MYO15A: variants seen among roughly 807,000 people sequenced by gnomAD.
The protein encoded by MYO15A is unconventional myosin-XV.
Under a neutral mutation model 394.6 loss-of-function variants are expected in MYO15A, and 308 were observed. That is an observed-to-expected ratio of 0.78 (90% CI 0.71 to 0.86). The LOEUF is 0.86. Among genes scored for constraint, MYO15A ranks in the 40% least tolerant of loss-of-function variants. The pLI is 0.00. For synonymous variants in MYO15A, 1,957 were observed against 2,003.8 expected (o/e 0.98, Z 0.62); for missense variants, 4,606 against 4,799.1 (o/e 0.96, Z 1.19).
intron 57 of MYO15A, among the ~76,000 whole-genome samples, chr17:18,162,258 G>A (rs914634022): frequency 9.9e-5 from 15 of 152,168 alleles, no homozygotes; most frequent in South Asian, 4.1e-4. Flanking sequence ...TAGCCACAGA[G>A]CCTGTGAGAT....
Position 18,152,144 on chromosome 17 carries a change from G to A in MYO15A, c.7926G>A (p.Pro2642=), listed in dbSNP as rs372373045. Residue 2642 remains proline (P), a synonymous_variant, in exon 42 of 66, where the codon CCG becomes CCA. Transcript: ENST00000647165. ...GAGAGGCCGTGGCCCTGGTGAAGCC[G>A]GTGACCAGTGCACCAAGGCCATCCA... The part of the protein sequence containing the change: ...VSREAVALVK[P]VTSAPRPSMA... The A allele has an allele frequency of 6.7e-5, 104 of 1,551,672 alleles. No homozygotes were observed. The African/African-American group carries it at 7.5e-4, about 11-fold the overall frequency.
At chr17:18,171,487 C>G (rs2046939363) in intron 62 of MYO15A, 151 bp from the exon 63 acceptor site, 1 of 1,182,132 alleles carries the variant, frequency 8.5e-7, no homozygotes, top group African/African-American at 1.5e-5. Flanking sequence ...GTGGGCACCT[C>G]TACCCCACTT....
chr17:18,122,267 G>A lies in MYO15A; in HGVS notation c.3467G>A (p.Cys1156Tyr). The change falls in exon 2 of 66, where the codon TGC (cysteine) becomes TAC (tyrosine). Residue 1156 changes from cysteine to tyrosine, a missense_variant. This residue lies in a region of MYO15A where 1,830 missense variants were observed against 1,689.7 expected (regional missense o/e 1.08). Transcript: ENST00000647165. ...KPRACSLRWSCLWLRADAYGP... is the reference protein window; with the variant it reads ...KPRACSLRWSYLWLRADAYGP... ...AGAGCCTGTAGTCTTCGCTGGTCCT[G>A]CCTCTGGCTTCGGGCAGATGCCTAT... is the stretch of plus-strand genomic sequence containing the variant. 6.2e-7 allele frequency: 1 copy of A among 1,613,170 alleles called. No individual in the cohort carries two copies. Among genetic ancestry groups the A allele is most frequent in the South Asian group, 1.1e-5 (1 of 91,090 alleles).
chr17:18,136,900 G>T (rs760677290), intron 15 of MYO15A, among the ~76,000 whole-genome samples: 3 of 152,244 alleles, frequency 2.0e-5, no homozygotes, highest in Non-Finnish European at 4.4e-5. Flanking sequence ...CCCTGTGCTG[G>T]GCAATACCAG....
Position 18,124,465 on chromosome 17 carries a change from C to T in MYO15A, c.3610-18C>T. 1 of 1,607,404 alleles carries T rather than the reference C, an allele frequency of 6.2e-7. No homozygotes were observed. The highest frequency in any genetic ancestry group is 8.5e-7 in the Non-Finnish European group (1 of 1,178,720). ...GGTGCCCTTCAACCTGCAGACACAGCCTCTCTCTCTCACACAGATGCACTC... is the reference window on the plus strand; with the variant it reads ...GGTGCCCTTCAACCTGCAGACACAGTCTCTCTCTCTCACACAGATGCACTC... On this transcript the variant is annotated intron_variant, in intron 2 of 65. Transcript: ENST00000647165.
In MYO15A at chr17:18,150,623, A is replaced by T; in HGVS notation, c.7328-75A>T. 2.5e-6 allele frequency: 4 copies of T among 1,608,286 alleles called. No individual in the cohort carries two copies. The South Asian group carries it at 4.4e-5, about 18-fold the overall frequency. ...GGTGTGCTAGAATGGAGGCAGCCAC[A>T]GCATGATGGGGGCTGAGAGGACAGG... On this transcript the variant is annotated intron_variant, in intron 36 of 65. Transcript: ENST00000647165. This position sits in a 1 kb window ranked among gnomAD's most constrained non-coding sequence, Gnocchi z 4.4.
rs1395185235 is a variant in MYO15A, at chr17:18,122,066, C to T, written c.3266C>T (p.Ala1089Val). ...TGGGGAACACTGCCCCAAGCCGCAG[C>T]CCCCTTGGCGCCCATCAGGGCCCCA... is the stretch of plus-strand genomic sequence containing the variant. The part of the protein sequence containing the change: ...HRWGTLPQAA[A>V]PLAPIRAPEP... The change falls in exon 2 of 66, where the codon GCC becomes GTC. Residue 1089 changes from alanine (A) to valine (V), a missense_variant. Coordinates refer to ENST00000647165, the MANE Select transcript of MYO15A (RefSeq NM_016239.4). The T allele has an allele frequency of 1.2e-6, 2 of 1,612,768 alleles. No individual in the cohort carries two copies. The highest frequency in any genetic ancestry group is 2.2e-5 in the South Asian group (2 of 91,084).
Position 18,138,252 on chromosome 17 carries a change from C to T in MYO15A, c.5007+6C>T. ...ACCAGTGTTGCTTTCCCCAGGTGAG[C>T]CGCAGGCACTGTGTGAGCCTAGTCA... is the stretch of plus-strand genomic sequence containing the variant. On this transcript the variant is annotated splice_donor_region_variant and intron_variant, in intron 17 of 65. Transcript: ENST00000647165. 1 of 1,611,858 alleles carries T rather than the reference C, an allele frequency of 6.2e-7. No homozygotes were observed.
At position 18,142,171 on chromosome 17, in the gene MYO15A, TGGCTTCTTCATTAAGC is replaced by T; in HGVS notation, c.5746_5761del (p.Phe1916AspfsTer28). On this transcript the variant is annotated frameshift_variant, in exon 24 of 66. Coordinates refer to ENST00000647165, the MANE Select transcript of MYO15A (RefSeq NM_016239.4). LOFTEE classifies it high-confidence loss of function. ...CCCTCACTCTGCAGCGCTGCCTCCG[TGGCTTCTTCATTAAGC>T]GGCGATTCCGCTCTCTGCGCCACAA... The T allele has an allele frequency of 6.2e-7, 1 of 1,613,884 alleles. No homozygotes were observed. Among genetic ancestry groups the T allele is most frequent in the Non-Finnish European group, 8.5e-7 (1 of 1,180,034 alleles).
At chr17:18,129,987 C>T (rs1192655090) in intron 7 of MYO15A, among the ~76,000 whole-genome samples, 1 of 152,168 alleles carries the variant, frequency 6.6e-6, no homozygotes, top group Admixed American at 6.5e-5. Context: ...TCAAGCAGTT[C>T]TCCTGCCTCA....
Position 18,124,519 on chromosome 17 carries a change from C to G in MYO15A, c.3646C>G (p.Arg1216Gly), listed in dbSNP as rs547573001. 6.2e-7 allele frequency: 1 copy of G among 1,613,140 alleles called. No individual in the cohort carries two copies. Among genetic ancestry groups the G allele is most frequent in the African/African-American group, 1.3e-5 (1 of 75,048 alleles). ...SIRNLPSMRF[R>G]EQHGEDGVED... is the part of the protein sequence containing the mutation. ...CCGCAACCTGCCATCCATGCGGTTCCGTGAGCAGCACGGGGAGGATGGTGT... is the reference window on the plus strand; with the variant it reads ...CCGCAACCTGCCATCCATGCGGTTCGGTGAGCAGCACGGGGAGGATGGTGT... Residue 1216 changes from arginine to glycine, a missense_variant, in exon 3 of 66, where the codon CGT (arginine) becomes GGT (glycine). Transcript: ENST00000647165.
In MYO15A at chr17:18,150,370, C is replaced by T; in HGVS notation, c.7213-59C>T. ...AGAGGCCAGTGTCAGGTGCCTGTTG[C>T]CATGGAACCTTGGGAGTACAATAAT... On this transcript the variant is annotated intron_variant, in intron 35 of 65. Transcript: ENST00000647165. The surrounding 1 kb of genome is among the most constrained non-coding windows in gnomAD (Gnocchi z 4.4). The T allele has an allele frequency of 6.6e-7, 1 of 1,508,246 alleles. No individual in the cohort carries two copies. Among genetic ancestry groups the T allele is most frequent in the Non-Finnish European group, 9.2e-7 (1 of 1,085,228 alleles). 93.4% of individuals were successfully genotyped at this position (1,508,246 alleles called of 1,614,324 possible).
chr17:18,114,393 AG>A (rs2045760676), intron 1 of MYO15A, among the ~76,000 whole-genome samples: 1 of 151,956 alleles, frequency 6.6e-6, no homozygotes, highest in Admixed American at 6.6e-5. Context: ...CTGCAATTAC[AG>A]GCATGCGCCA....
rs1021980195 is a variant in MYO15A, at chr17:18,150,317, GCTGCCCCCT to G, written c.7213-110_7213-102del. On this transcript the variant is annotated intron_variant, in intron 35 of 65. Transcript: ENST00000647165. The surrounding 1 kb of genome is among the most constrained non-coding windows in gnomAD (Gnocchi z 4.4). ...ACAGCAGACACTGAGCCAGTGGGAG[GCTGCCCCCT>G]CCCACGAGAGGGTGGGGAAGAGGCC... 3 of 934,046 alleles carry G rather than the reference GCTGCCCCCT, an allele frequency of 3.2e-6. No individual in the cohort carries two copies. The African/African-American group carries it at 4.9e-5, about 15-fold the overall frequency. The allele number at this position is 934,046 out of a possible 1,614,324, so 57.9% of individuals were successfully genotyped here.
chr17:18,121,316 C>T lies in MYO15A; in HGVS notation c.2516C>T (p.Pro839Leu). ...AAGRLGPPGS[P>L]LPGSPRPPSP... ...GGGCGCCTGGGCCCACCCGGCTCGC[C>T]GCTGCCGGGCTCACCCAGGCCGCCC... Residue 839 changes from proline (P) to leucine (L), a missense_variant, in exon 2 of 66, where the codon CCG becomes CTG. Pro to Leu is a moderately conservative substitution (Grantham distance 98). Around this residue, in one of 2 missense-constraint regions of MYO15A, gnomAD observed 1,830 missense variants for 1,689.7 expected, o/e 1.08. Transcript: ENST00000647165. The surrounding 1 kb of genome is among the most constrained non-coding windows in gnomAD (Gnocchi z 5.3). 1 of 1,332,426 alleles carries T rather than the reference C, an allele frequency of 7.5e-7. No homozygotes were observed. The highest frequency in any genetic ancestry group is 9.6e-7 in the Non-Finnish European group (1 of 1,046,916). 82.5% of individuals were successfully genotyped at this position (1,332,426 alleles called of 1,614,324 possible). A position where few individuals can be genotyped will look rare whatever the true frequency, so the allele number is the denominator to read the frequency against.
intron 29 of MYO15A, 73 bp downstream of exon 29, chr17:18,144,665 T>C: frequency 6.8e-7 from 1 of 1,473,646 alleles, no homozygotes; most frequent in East Asian, 2.3e-5. Flanking sequence ...AGGCTCCCAG[T>C]CTTCCCAGCC....
intron 10 of MYO15A, 82 bp downstream of exon 10, chr17:18,131,613 G>A: frequency 3.3e-6 from 5 of 1,524,952 alleles, no homozygotes; most frequent in Non-Finnish European, 4.5e-6. Flanking sequence ...CCCCTGGTAG[G>A]GCTAGGTAGA....
rs1376700223 is a variant in MYO15A at position 18,121,859 on chromosome 17, AC to A, written c.3064del (p.Gln1022SerfsTer36). 1.2e-6 allele frequency: 2 copies of A among 1,611,928 alleles called. No individual in the cohort carries two copies. Among genetic ancestry groups the A allele is most frequent in the Admixed American group, 3.3e-5 (2 of 59,976 alleles). On this transcript the variant is annotated frameshift_variant, in exon 2 of 66. Transcript: ENST00000647165. LOFTEE classifies it high-confidence loss of function. This position sits in a 1 kb window ranked among gnomAD's most constrained non-coding sequence, Gnocchi z 5.3. ...EKPEEEATLG[D>X]PQLPAETKPP... ...CCTGAAGAAGAGGCCACCCTGGGGG[AC>A]CCCCAGCTGCCAGCAGAGACCAAGC...
At chr17:18,138,339 C>G (rs1352041710) in intron 17 of MYO15A, 93 bp downstream of exon 17, 3 of 1,492,896 alleles carry the variant, frequency 2.0e-6, no homozygotes, top group Non-Finnish European at 2.7e-6. Flanking sequence ...CCTCTCTGCT[C>G]TGGCCTGAGT....
Sources: allele counts gnomAD v4.1 joint callset (sites outside exome capture counted in the v4.1 genomes callset), GRCh38; gene constraint gnomAD v4.1.1; regional missense constraint gnomAD v4.1.1; non-coding constraint Gnocchi (gnomAD v3.1); transcripts MANE v1.5; gene names NCBI Gene and HGNC (gene_info 2026-07-23, HGNC 2026-07-21).